MYO9A: variants seen among roughly 807,000 people sequenced by gnomAD.
The protein encoded by MYO9A is myosin IXA, also known as unconventional myosin-IXa.
In MYO9A, 103 loss-of-function variants were observed where a neutral mutation model predicts 293.3. The ratio of observed to expected loss-of-function variants is 0.35; its 90% CI spans 0.30 to 0.41. MYO9A has a LOEUF of 0.41. Ranked by LOEUF, MYO9A falls within the 10% of genes least tolerant of loss-of-function variation. The pLI is 1.00. For missense variants in MYO9A, 2,685 were observed against 3,033.0 expected (o/e 0.89, Z 2.69); for synonymous variants, 1,001 against 1,035.7 (o/e 0.97, Z 0.64).
intron 18 of MYO9A, among the ~76,000 whole-genome samples, chr15:71,932,532 T>C (rs545411827): frequency 6.6e-6 from 1 of 151,686 alleles, no homozygotes; most frequent in Admixed American, 6.6e-5. Context: ...CCCAGGGTTC[T>C]GCTGTTTCTT....
chr15:72,118,261 T>C, upstream of MYO9A: 1 of 305,834 alleles, frequency 3.3e-6, no homozygotes, highest in Non-Finnish European at 6.0e-6. Context: ...CACGCCCCCT[T>C]TCCTACGCCC....
chr15:71,832,716 C>G (rs1407923650), intron 39 of MYO9A, among the ~76,000 whole-genome samples: 1 of 151,986 alleles, frequency 6.6e-6, no homozygotes, highest in East Asian at 1.9e-4. Flanking sequence ...GAAAATGTCT[C>G]GAAGAAAAGT....
intron 4 of MYO9A, among the ~76,000 whole-genome samples, chr15:72,026,248 G>A (rs1388355355): frequency 6.3e-5 from 8 of 127,954 alleles, no homozygotes; most frequent in Admixed American, 9.8e-5. Context: ...ACTCCAGCCC[G>A]TGCCTCAGAG....
intron 39 of MYO9A, among the ~76,000 whole-genome samples, chr15:71,838,562 A>C (rs1236015964): frequency 6.6e-6 from 1 of 152,194 alleles, no homozygotes; most frequent in Non-Finnish European, 1.5e-5. Flanking sequence ...CTTTGCAGGC[A>C]AACTGTTCCT....
At chr15:71,852,328 G>C in intron 35 of MYO9A, 68 bp from the exon 36 acceptor site, 1 of 1,176,614 alleles carries the variant, frequency 8.5e-7, no homozygotes, top group Non-Finnish European at 1.2e-6. Flanking sequence ...ATTCACTTTA[G>C]AAACTATCAT....
Position 71,859,709 on chromosome 15 carries a change from A to G in MYO9A, c.6153+26T>C, listed in dbSNP as rs758698485. On this transcript the variant is annotated intron_variant, in intron 34 of 41. Coordinates refer to ENST00000356056, the MANE Select transcript of MYO9A (RefSeq NM_006901.4). ...CAAAAGACCAACAGGTCTGTTATCT[A>G]TTACTGATAGGTGATAATTTCTTAC... 3.0e-5 allele frequency: 48 copies of G among 1,584,596 alleles called. 1 individual carries two copies. In the South Asian group the frequency reaches 5.1e-4, roughly 17 times the overall value.
At chr15:71,953,857 A>C (rs1046770217) in intron 14 of MYO9A, among the ~76,000 whole-genome samples, 2 of 150,616 alleles carry the variant, frequency 1.3e-5, no homozygotes, top group African/African-American at 2.4e-5. Flanking sequence ...TTTTCTGAGG[A>C]GTCTCATCAA....
intron 27 of MYO9A, among the ~76,000 whole-genome samples, chr15:71,885,414 A>T (rs2056990081): frequency 6.6e-6 from 1 of 151,898 alleles, no homozygotes; most frequent in African/African-American, 2.4e-5. Context: ...TCATTTCCTC[A>T]CTTTTCTATA....
At chr15:72,004,461 G>C (rs921609318) in intron 8 of MYO9A, among the ~76,000 whole-genome samples, 4 of 152,136 alleles carry the variant, frequency 2.6e-5, no homozygotes, top group African/African-American at 9.7e-5. Flanking sequence ...GGAGGCTGAG[G>C]CAGGAGAATG....
At chr15:71,875,667 G>T in intron 32 of MYO9A, 124 bp downstream of exon 32, 1 of 417,288 alleles carries the variant, frequency 2.4e-6, no homozygotes, top group Non-Finnish European at 4.2e-6. Flanking sequence ...ATATAAATAT[G>T]ATTATTGCCT....
At chr15:72,044,497 CTA>C (rs1236620319) in intron 2 of MYO9A, among the ~76,000 whole-genome samples, 2 of 152,134 alleles carry the variant, frequency 1.3e-5, no homozygotes, top group African/African-American at 4.8e-5. Context: ...CTTATTCCTC[CTA>C]TATAACTAAA....
intron 32 of MYO9A, among the ~76,000 whole-genome samples, chr15:71,866,368 T>C (rs528148034): frequency 9.9e-5 from 15 of 152,186 alleles, no homozygotes; most frequent in African/African-American, 3.4e-4. Context: ...AAACACTCAA[T>C]AGTAAGTGTA....
intron 19 of MYO9A, among the ~76,000 whole-genome samples, chr15:71,907,179 G>A (rs569579352): frequency 3.3e-5 from 5 of 150,440 alleles, no homozygotes; most frequent in African/African-American, 1.2e-4. Context: ...CACCTATGAG[G>A]GAGAATATGC....
chr15:72,095,962 T>C (rs1206050367), intron 1 of MYO9A, among the ~76,000 whole-genome samples: 2 of 151,244 alleles, frequency 1.3e-5, no homozygotes, highest in African/African-American at 2.4e-5. Context: ...AGGTCAAGAG[T>C]TTGAGACCAA....
chr15:71,926,579 T>G (rs1201053246), intron 18 of MYO9A, among the ~76,000 whole-genome samples: 1 of 152,128 alleles, frequency 6.6e-6, no homozygotes, highest in Non-Finnish European at 1.5e-5. Context: ...TGGTGGTACA[T>G]GCCTATATTT....
At chr15:71,828,102 TG>T (rs2054583049) in intron 40 of MYO9A, 76 bp from the exon 41 acceptor site, 4 of 1,503,056 alleles carry the variant, frequency 2.7e-6, no homozygotes, top group Non-Finnish European at 3.6e-6. Context: ...AGATCCTCCA[TG>T]GAAGTCAGGA....
chr15:72,112,797 C>G (rs756396267), intron 1 of MYO9A, among the ~76,000 whole-genome samples: 1 of 152,160 alleles, frequency 6.6e-6, no homozygotes, highest in African/African-American at 2.4e-5. Flanking sequence ...TAGAAGAAGG[C>G]ATGAGGCAGC....
At chr15:71,892,077 T>C (rs1268422786) in intron 26 of MYO9A, 1 of 145,332 alleles carries the variant, frequency 6.9e-6, no homozygotes, top group Non-Finnish European at 1.5e-5. Context: ...ACGGTCTTTA[T>C]CTTATATATT....
In MYO9A at chr15:71,959,911, G is replaced by C. The variant is rs577605026; in HGVS notation, c.2172C>G (p.His724Gln). Residue 724 changes from histidine to glutamine, a missense_variant, in exon 14 of 42, where the codon CAC (histidine) becomes CAG (glutamine). Around this residue, in one of 10 missense-constraint regions of MYO9A, gnomAD observed 1,434 missense variants for 1,497.7 expected, o/e 0.96. Coordinates refer to ENST00000356056, the MANE Select transcript of MYO9A (RefSeq NM_006901.4). ...ATAACTACTACTTACCAGTTTTTCT[G>C]TGAATGTTTCTTTTCCCAGCTTCCC... ...AFREAGKRNI[H>Q]RKTGHDDTAP... 5.6e-6 allele frequency: 9 copies of C among 1,607,506 alleles called. No individual in the cohort carries two copies. The East Asian group carries it at 2.0e-4, about 36-fold the overall frequency.
Sources: allele counts gnomAD v4.1 joint callset (sites outside exome capture counted in the v4.1 genomes callset), GRCh38; gene constraint gnomAD v4.1.1; regional missense constraint gnomAD v4.1.1; transcripts MANE v1.5; gene names NCBI Gene and HGNC (gene_info 2026-07-23, HGNC 2026-07-21).